The following ZRANB3 variants were observed in gnomAD, a reference collection of about 807,000 sequenced individuals.
ZRANB3 encodes DNA annealing helicase and endonuclease ZRANB3.
Under a neutral mutation model 133.8 loss-of-function variants are expected in ZRANB3, and 125 were observed. That is an observed-to-expected ratio of 0.93 (90% CI 0.81 to 1.08). The LOEUF (loss-of-function observed/expected upper bound fraction) is 1.08. ZRANB3 is among the 50% of genes least tolerant of loss of function. ZRANB3 has a pLI of 0.00. For synonymous variants in ZRANB3, 387 were observed against 432.7 expected, an observed-to-expected ratio of 0.89 and a Z score of 1.31; for missense variants, 1,229 against 1,275.5, an observed-to-expected ratio of 0.96 and a Z score of 0.56.
At chr2:135,207,295 G>T in intron 19 of ZRANB3, 139 bp downstream of exon 19, 1 of 945,080 alleles carries the variant, frequency 1.1e-6, no homozygotes, top group Non-Finnish European at 1.5e-6. Context: ...GTTAAAGCTG[G>T]CTGATGGACA....
chr2:135,293,227 G>A (rs1466849665), intron 8 of ZRANB3, among the ~76,000 whole-genome samples: 9 of 152,244 alleles, frequency 5.9e-5, no homozygotes, highest in African/African-American at 2.2e-4. Flanking sequence ...CTACCCATGA[G>A]CATGGAATGT....
Position 135,291,341 on chromosome 2 carries a change from C to A in ZRANB3, c.967-15586G>T, listed in dbSNP as rs150716550. Among the ~76,000 whole-genome samples, 454 of 151,898 alleles carry A rather than the reference C, an allele frequency of 3.0e-3. 2 individuals carry two copies. Among genetic ancestry groups the A allele is most frequent in the African/African-American group, 0.01 (429 of 41,444 alleles). On this transcript the variant is annotated intron_variant, in intron 8 of 20. Transcript: ENST00000264159. ...AGTATTACTGGCGTGTGCCACCACA[C>A]CTAGCTAATTTTTGTATTTTTAGTA... is the stretch of plus-strand genomic sequence containing the variant.
chr2:135,263,449 T>C (rs1317779253), intron 12 of ZRANB3, among the ~76,000 whole-genome samples: 4 of 152,142 alleles, frequency 2.6e-5, no homozygotes, highest in Non-Finnish European at 2.9e-5. Flanking sequence ...ATATATTCTG[T>C]ATATTGAAAA....
intron 12 of ZRANB3, among the ~76,000 whole-genome samples, chr2:135,260,325 G>C (rs1679894551): frequency 6.6e-6 from 1 of 152,110 alleles, no homozygotes; most frequent in Admixed American, 6.5e-5. Context: ...CCCTGGTGAT[G>C]GACTCCAAGG....
intron 8 of ZRANB3, among the ~76,000 whole-genome samples, chr2:135,294,511 A>G (rs937006276): frequency 2.6e-5 from 4 of 151,958 alleles, no homozygotes; most frequent in South Asian, 2.1e-4. Context: ...TCTTGCTAGC[A>G]GTCTATCAAT....
intron 17 of ZRANB3, among the ~76,000 whole-genome samples, chr2:135,215,090 T>G (rs929741500): frequency 3.3e-5 from 5 of 152,050 alleles, no homozygotes; most frequent in South Asian, 2.1e-4. Context: ...GCTATTTTTT[T>G]GGGGTTTTGT....
At chr2:135,215,612 A>T (rs909600602) in intron 17 of ZRANB3, among the ~76,000 whole-genome samples, 1 of 152,198 alleles carries the variant, frequency 6.6e-6, no homozygotes, top group Non-Finnish European at 1.5e-5. Flanking sequence ...TGCCAGTTTG[A>T]CATAGTCTCA....
intron 1 of ZRANB3, among the ~76,000 whole-genome samples, chr2:135,529,677 G>A (rs1694348832): frequency 6.6e-6 from 1 of 151,516 alleles, no homozygotes; most frequent in Non-Finnish European, 1.5e-5. Context: ...TCCGGCTAAT[G>A]TGTGTGTGTG....
At chr2:135,479,309 T>A (rs980456409) in intron 2 of ZRANB3, among the ~76,000 whole-genome samples, 2 of 152,198 alleles carry the variant, frequency 1.3e-5, no homozygotes, top group Non-Finnish European at 2.9e-5. Context: ...TTATCTACAA[T>A]GAAAACAGCA....
Position 135,296,376 on chromosome 2 carries a change from C to T in ZRANB3, c.966+17113G>A, listed in dbSNP as rs1003645961. Among the ~76,000 whole-genome samples, 43 of 152,232 alleles carry T rather than the reference C, an allele frequency of 2.8e-4. 1 individual carries two copies. The highest frequency in any genetic ancestry group is 1.6e-4 in the Non-Finnish European group (11 of 68,046). ...TTCTTCCAATTGATCGCATCGGCTA[C>T]TGAGGCTTGTGCCTTCGTCATGCAG... On this transcript the variant is annotated intron_variant, in intron 8 of 20. Transcript: ENST00000264159.
chr2:135,494,794 G>A (rs991615780), intron 2 of ZRANB3, among the ~76,000 whole-genome samples: 1 of 152,174 alleles, frequency 6.6e-6, no homozygotes, highest in African/African-American at 2.4e-5. Context: ...TCATGAAAGG[G>A]TAAGGAAGTG....
chr2:135,463,176 T>G lies in ZRANB3; in HGVS notation c.161+41153A>C, dbSNP rs74540445. Among the ~76,000 whole-genome samples, 916 of 152,240 alleles carry G rather than the reference T, an allele frequency of 6.0e-3. 9 individuals carry two copies. Among genetic ancestry groups the G allele is most frequent in the African/African-American group, 0.02 (827 of 41,538 alleles). On this transcript the variant is annotated intron_variant, in intron 2 of 20. Transcript: ENST00000264159. ...GACTCTGACTCTAAAAAAAATTGTT[T>G]TAAGTTGCTAAAAATTACATATAAA...
chr2:135,235,158 C>T (rs1325038233), intron 12 of ZRANB3, among the ~76,000 whole-genome samples: 3 of 152,184 alleles, frequency 2.0e-5, no homozygotes, highest in Non-Finnish European at 4.4e-5. Context: ...ACTATAAACA[C>T]CTCTATGCAA....
chr2:135,520,488 C>T (rs1002175957), intron 1 of ZRANB3, among the ~76,000 whole-genome samples: 18 of 151,584 alleles, frequency 1.2e-4, no homozygotes, highest in Non-Finnish European at 2.5e-4. Flanking sequence ...TATTAGCTCA[C>T]TGCAACCTCA....
chr2:135,364,767 A>G (rs1215028797), intron 3 of ZRANB3, among the ~76,000 whole-genome samples: 1 of 150,138 alleles, frequency 6.7e-6, no homozygotes, highest in African/African-American at 2.5e-5. Context: ...AAAAATAAAT[A>G]AGGCCAGGCA....
chr2:135,259,185 A>T (rs1311038042), intron 12 of ZRANB3, among the ~76,000 whole-genome samples: 1 of 151,524 alleles, frequency 6.6e-6, no homozygotes, highest in Admixed American at 6.6e-5. Flanking sequence ...ATGCCCAGCT[A>T]ATTTTCTTAT....
chr2:135,420,080 A>G (rs968374688), intron 2 of ZRANB3, among the ~76,000 whole-genome samples: 13 of 124,828 alleles, frequency 1.0e-4, no homozygotes, highest in African/African-American at 3.9e-4. Context: ...ATACATATAT[A>G]TATCTTAGAT....
chr2:135,235,433 T>C (rs1049145971), intron 12 of ZRANB3, among the ~76,000 whole-genome samples: 10 of 152,160 alleles, frequency 6.6e-5, no homozygotes, highest in South Asian at 2.1e-4. Context: ...CCTAACTCAC[T>C]TTATGAGGCC....
At chr2:135,324,574 T>G (rs1683708773) in intron 6 of ZRANB3, among the ~76,000 whole-genome samples, 1 of 152,200 alleles carries the variant, frequency 6.6e-6, no homozygotes, top group Non-Finnish European at 1.5e-5. Flanking sequence ...CAGCATTATT[T>G]ATAATCCTTT....
Sources: gnomAD v4.1 joint callset for allele counts (sites outside exome capture counted in the v4.1 genomes callset) on GRCh38, gnomAD v4.1.1 for gene constraint, MANE v1.5 for transcripts, NCBI Gene and HGNC (gene_info 2026-07-23, HGNC 2026-07-21) for gene names.